Variants in ZNF695 observed in about 807,000 individuals in gnomAD.
The protein encoded by ZNF695 is zinc finger protein SBZF3.
Under a neutral mutation model 11.2 loss-of-function variants are expected in ZNF695, and 11 were observed. That is an observed-to-expected ratio of 0.98 (90% CI 0.62 to 1.62). The LOEUF (loss-of-function observed/expected upper bound fraction) is 1.62. Ranked by LOEUF, ZNF695 falls within the 40% of genes most tolerant of loss-of-function variation. The pLI, the probability that ZNF695 is intolerant of heterozygous loss-of-function variation, is 0.00. For synonymous variants in ZNF695, 190 were observed against 201.4 expected, an observed-to-expected ratio of 0.94 and a Z score of 0.48; for missense variants, 559 against 590.5, an observed-to-expected ratio of 0.95 and a Z score of 0.55.
chr1:246,978,464 T>A (rs551739904), intron 4 of ZNF695, among the ~76,000 whole-genome samples: 2 of 152,370 alleles, frequency 1.3e-5, no homozygotes, highest in African/African-American at 4.8e-5. Context: ...TTAATTTGCA[T>A]GATGATGATG....
At chr1:246,965,940 T>A (rs530184615) in intron 5 of ZNF695, among the ~76,000 whole-genome samples, 454 of 150,666 alleles carry the variant, frequency 3.0e-3, no homozygotes, top group African/African-American at 5.8e-3. Context: ...AAATTAAAAA[T>A]ATATATATAT....
At position 246,987,284 on chromosome 1, in the gene ZNF695, C is replaced by T. The variant is rs1286184937; in HGVS notation, c.1231G>A (p.Glu411Lys). 2 of 1,613,766 alleles carry T rather than the reference C, an allele frequency of 1.2e-6. No individual in the cohort carries two copies. The highest frequency in any genetic ancestry group is 1.7e-6 in the Non-Finnish European group (2 of 1,179,946). Residue 411 changes from glutamate (E) to lysine (K), a missense_variant, in exon 4 of 4, where the codon GAG (glutamate) becomes AAG (lysine). Glu to Lys is a moderately conservative substitution (Grantham distance 56). Transcript: ENST00000339986. The part of the protein sequence containing the change: ...IHTGQKPYKC[E>K]ECGKAFTWFS... ...CAGGTAAAAGCTTTGCCACATTCCT[C>T]ACATTTGTAGGGTTTCTGCCCAGTA...
Position 247,006,235 on chromosome 1 carries a change from GAA to G in ZNF695, c.3+1669_3+1670del, listed in dbSNP as rs57859895. ...GCGAGACTCTGTCTCAAAAAAAAAAGAAAAAAAAAAAAAGCCCATTCATTGCA... is the reference window on the plus strand; with the variant it reads ...GCGAGACTCTGTCTCAAAAAAAAAAGAAAAAAAAAAAGCCCATTCATTGCA... On this transcript the variant is annotated intron_variant, in intron 1 of 3. Coordinates refer to ENST00000339986, the MANE Select transcript of ZNF695 (RefSeq NM_020394.5). Among the ~76,000 whole-genome samples the G allele has an allele frequency of 7.3e-5, 6 of 81,876 alleles. No homozygotes were observed. The South Asian group carries it at 2.4e-3, about 33-fold the overall frequency. 53.7% of individuals were successfully genotyped at this position (81,876 alleles called of 152,430 possible).
intron 3 of ZNF695, 78 bp downstream of exon 3, chr1:246,999,270 C>T: frequency 8.0e-7 from 1 of 1,252,820 alleles, no homozygotes; most frequent in African/African-American, 1.5e-5. Context: ...TAGAGCTTCC[C>T]AAACCACAGT....
In ZNF695 at chr1:246,986,795, T is replaced by G; in HGVS notation, c.*172A>C. On this transcript the variant is annotated 3_prime_UTR_variant, in exon 4 of 4. Transcript: ENST00000339986. ...AGTGGAGGTGTTGAACCGGTCTATT[T>G]GTATTGTTCGTAGCCTAAACATTTT... 1.4e-6 allele frequency: 2 copies of G among 1,380,808 alleles called. No individual in the cohort carries two copies. The highest frequency in any genetic ancestry group is 1.9e-6 in the Non-Finnish European group (2 of 1,073,126). The allele number at this position is 1,380,808 out of a possible 1,614,324, so 85.5% of individuals were successfully genotyped here. A position where few individuals can be genotyped will look rare whatever the true frequency, so the allele number is the denominator to read the frequency against.
chr1:246,982,506 C>T (rs1028201493), downstream of ZNF695, among the ~76,000 whole-genome samples: 4 of 152,320 alleles, frequency 2.6e-5, no homozygotes, highest in East Asian at 7.7e-4. Context: ...TTTATTTACA[C>T]ACTGCTTACA....
intron 5 of ZNF695, among the ~76,000 whole-genome samples, chr1:246,959,305 AAAAAAATATATATATATATATAT>A (rs1668095440): frequency 1.4e-5 from 1 of 69,620 alleles, no homozygotes; most frequent in Non-Finnish European, 2.6e-5. Flanking sequence ...AAAAAAAAAA[AAAAAAATATATATATATATATAT>A]ATATATATAT....
intron 3 of ZNF695, 42 bp downstream of exon 3, chr1:246,999,306 C>T: frequency 1.3e-6 from 2 of 1,509,198 alleles, no homozygotes; most frequent in East Asian, 2.3e-5. Flanking sequence ...TTCCTTGATC[C>T]TTCAACCCCT....
At chr1:246,947,033 C>T (rs1183087524) in intron 5 of ZNF695, among the ~76,000 whole-genome samples, 10 of 150,244 alleles carry the variant, frequency 6.7e-5, no homozygotes, top group South Asian at 6.3e-4. Flanking sequence ...CCAGCTACTC[C>T]GGAGGCTGAG....
intron 1 of ZNF695, among the ~76,000 whole-genome samples, chr1:247,003,850 A>T (rs1207768878): frequency 2.6e-5 from 4 of 152,234 alleles, no homozygotes; most frequent in African/African-American, 9.6e-5. Flanking sequence ...ACACTGAAAC[A>T]CTGTTTCATT....
At chr1:246,992,394 T>G (rs1669067613) in intron 3 of ZNF695, among the ~76,000 whole-genome samples, 1 of 149,150 alleles carries the variant, frequency 6.7e-6, no homozygotes, top group African/African-American at 2.5e-5. Flanking sequence ...GTTATGAGGC[T>G]GGAAAGGGTA....
At chr1:247,007,764 G>A (rs1278697567) in intron 1 of ZNF695, 142 bp downstream of exon 1, 1 of 954,572 alleles carries the variant, frequency 1.0e-6, no homozygotes, top group Non-Finnish European at 1.4e-6. Context: ...ACTGAGGGCC[G>A]AGCTGCGCCA....
chr1:246,967,553 T>C (rs1228108917), intron 5 of ZNF695: 14 of 431,294 alleles, frequency 3.2e-5, no homozygotes, highest in Non-Finnish European at 4.2e-5. Context: ...CTAGCTGAGA[T>C]AGGGGAAGAC....
downstream of ZNF695, among the ~76,000 whole-genome samples, chr1:246,984,359 C>A (rs1572523371): frequency 1.4e-5 from 2 of 145,592 alleles, no homozygotes; most frequent in East Asian, 2.0e-4. Flanking sequence ...CACAAAAAAA[C>A]AGAGATAATT....
At chr1:246,997,489 C>T (rs970186916) in intron 3 of ZNF695, among the ~76,000 whole-genome samples, 1 of 150,384 alleles carries the variant, frequency 6.6e-6, no homozygotes, top group African/African-American at 2.4e-5. Flanking sequence ...GGCGACAGAG[C>T]GAGACTCTGT....
At chr1:246,945,896 A>C in intron 5 of ZNF695, 1 of 1,535,710 alleles carries the variant, frequency 6.5e-7, no homozygotes, top group Non-Finnish European at 8.8e-7. Context: ...ATTTATGCTG[A>C]GGTGTTAAAC....
Position 246,985,579 on chromosome 1 carries a change from A to G in ZNF695, c.*1388T>C. The G allele has an allele frequency of 1.7e-5, 17 of 982,878 alleles. No homozygotes were observed. The highest frequency in any genetic ancestry group is 2.0e-5 in the Non-Finnish European group (17 of 829,344). The allele number at this position is 982,878 out of a possible 1,614,324, so 60.9% of individuals were successfully genotyped here. On this transcript the variant is annotated 3_prime_UTR_variant, in exon 4 of 4. Coordinates refer to ENST00000339986, the MANE Select transcript of ZNF695 (RefSeq NM_020394.5). ...GTTGGTGGTAGGATACGCATCACTT[A>G]ATGTACAACGGTCCAAAGACATTAA...
At position 246,987,026 on chromosome 1, in the gene ZNF695, A is replaced by G. The variant is rs757698729; in HGVS notation, c.1489T>C (p.Cys497Arg). Residue 497 changes from cysteine (C) to arginine (R), a missense_variant, in exon 4 of 4, where the codon TGT (cysteine) becomes CGT (arginine). Physicochemically the swap from Cys to Arg is radical, Grantham distance 180. Transcript: ENST00000339986. ...GCAGAGTGGTTAAAGGCTTTGCCAC[A>G]TTCCTCACACTTGTATGGTTTCTCT... ...TREKPYKCEE[C>R]GKAFNHSAQL... The G allele has an allele frequency of 2.1e-5, 34 of 1,611,656 alleles. No homozygotes were observed. Among genetic ancestry groups the G allele is most frequent in the Admixed American group, 1.3e-4 (8 of 59,446 alleles).
chr1:246,967,409 AG>A (rs372237399), intron 5 of ZNF695: 7 of 456,394 alleles, frequency 1.5e-5, no homozygotes, highest in Non-Finnish European at 1.8e-5. Context: ...GGCAAGACAT[AG>A]TTGAATTCTG....
Sources: gnomAD v4.1 joint callset for allele counts (sites outside exome capture counted in the v4.1 genomes callset) on GRCh38, gnomAD v4.1.1 for gene constraint, MANE v1.5 for transcripts, NCBI Gene and HGNC (gene_info 2026-07-23, HGNC 2026-07-21) for gene names.